The following RANBP17 variants were observed in gnomAD, a reference collection of about 807,000 sequenced individuals.
The protein encoded by RANBP17 is RAN binding protein 17.
RANBP17 carries 158 observed loss-of-function variants against 141.2 expected under a neutral mutation model. That is an observed-to-expected ratio of 1.12 (90% CI 0.98 to 1.28). The LOEUF (loss-of-function observed/expected upper bound fraction) is 1.28. Among genes scored for constraint, RANBP17 ranks in the 50% most tolerant of loss-of-function variants. The pLI is 0.00. For missense variants in RANBP17, 1,438 were observed against 1,290.7 expected (o/e 1.11, Z -1.75); for synonymous variants, 430 against 450.0 (o/e 0.96, Z 0.56).
At chr5:170,956,760 T>A (rs1360441800) in intron 13 of RANBP17, among the ~76,000 whole-genome samples, 1 of 150,548 alleles carries the variant, frequency 6.6e-6, no homozygotes, top group Non-Finnish European at 1.5e-5. Context: ...GATTTTTTTT[T>A]AAGTTTAATC....
At chr5:170,980,108 C>G (rs1404855268) in intron 14 of RANBP17, among the ~76,000 whole-genome samples, 1 of 152,130 alleles carries the variant, frequency 6.6e-6, no homozygotes, top group East Asian at 1.9e-4. Flanking sequence ...AATTTTGACC[C>G]TACCCTAGAG....
At chr5:170,924,608 A>G (rs1772765259) in intron 12 of RANBP17, 58 bp downstream of exon 12, 4 of 1,120,714 alleles carry the variant, frequency 3.6e-6, no homozygotes, top group Admixed American at 1.9e-5. Flanking sequence ...AACATCATTA[A>G]TCACTTTAAT....
At chr5:170,921,647 G>A (rs1435421609) in intron 11 of RANBP17, among the ~76,000 whole-genome samples, 1 of 152,090 alleles carries the variant, frequency 6.6e-6, no homozygotes, top group African/African-American at 2.4e-5. Context: ...AGCTTGATGG[G>A]GATAGCATTG....
At position 171,298,801 on chromosome 5, in the gene RANBP17, A is replaced by G; in HGVS notation, c.3210A>G (p.Ala1070=). 6.2e-7 allele frequency: 1 copy of G among 1,614,190 alleles called. No individual in the cohort carries two copies. Among genetic ancestry groups the G allele is most frequent in the Non-Finnish European group, 8.5e-7 (1 of 1,180,008 alleles). ...TGTCTGTATTCAGAAGAGATGTGGC[A>G]GAGGCGTTGCGCAGTGATGGCAACA... ...QNLSVFRRDV[A]EALRSDGNTE... is the part of the protein sequence containing the mutation. The change falls in exon 28 of 28, where the codon GCA becomes GCG. Residue 1070 remains alanine, a synonymous_variant. Transcript: ENST00000523189.
At chr5:170,938,603 A>G (rs1250531923) in intron 12 of RANBP17, among the ~76,000 whole-genome samples, 7 of 152,212 alleles carry the variant, frequency 4.6e-5, no homozygotes. Context: ...ACATAACAGG[A>G]GTGTGAAAAA....
intron 14 of RANBP17, among the ~76,000 whole-genome samples, chr5:171,001,135 A>G (rs533133704): frequency 3.6e-4 from 55 of 152,224 alleles, no homozygotes; most frequent in African/African-American, 1.2e-3. Context: ...AGAATGGGCA[A>G]TGTTTCTCAG....
intron 12 of RANBP17, among the ~76,000 whole-genome samples, chr5:170,944,548 G>A (rs868357269): frequency 1.3e-5 from 2 of 152,184 alleles, no homozygotes; most frequent in Admixed American, 6.5e-5. Flanking sequence ...TATTACAGGC[G>A]TGAGCCACTG....
chr5:170,940,494 A>C (rs114573518), intron 12 of RANBP17, among the ~76,000 whole-genome samples: 166 of 152,332 alleles, frequency 1.1e-3, no homozygotes, highest in African/African-American at 3.8e-3. Flanking sequence ...GAAAAAATTC[A>C]GAACTGAGAG....
rs1766960544 is a variant in RANBP17 at position 170,863,111 on chromosome 5, AC to A, written c.18+1061del. ...AAACTATGGTTTCTACTCTCAGGGA[AC>A]TTGCAGTCTACTGGTCCTTGAAAGA... is the stretch of plus-strand genomic sequence containing the variant. On this transcript the variant is annotated intron_variant, in intron 1 of 27. Coordinates refer to ENST00000523189, the MANE Select transcript of RANBP17 (RefSeq NM_022897.5). 8.8e-5 allele frequency among the ~76,000 whole-genome samples: 13 copies of A among 147,000 alleles called. No homozygotes were observed. The South Asian group carries it at 2.7e-3, about 30-fold the overall frequency.
intron 14 of RANBP17, among the ~76,000 whole-genome samples, chr5:170,975,009 C>G (rs919349178): frequency 4.6e-5 from 7 of 152,106 alleles, no homozygotes; most frequent in African/African-American, 1.4e-4. Context: ...ATCTGTGATA[C>G]ACTTTCAGGG....
intron 14 of RANBP17, among the ~76,000 whole-genome samples, chr5:170,999,245 A>T (rs114138175): frequency 6.6e-6 from 1 of 152,096 alleles, no homozygotes; most frequent in South Asian, 2.1e-4. Context: ...TAAAATCCTG[A>T]CATTTGTTAC....
At chr5:170,881,488 G>A (rs1768686838) in intron 2 of RANBP17, among the ~76,000 whole-genome samples, 1 of 152,196 alleles carries the variant, frequency 6.6e-6, no homozygotes, top group Non-Finnish European at 1.5e-5. Context: ...TCAGAGGCCA[G>A]ATGATGTAGG....
chr5:170,952,019 T>C (rs1030852310), intron 12 of RANBP17, among the ~76,000 whole-genome samples: 1 of 151,790 alleles, frequency 6.6e-6, no homozygotes, highest in Non-Finnish European at 1.5e-5. Context: ...AAAGAGAAAA[T>C]ATTAAGTAGA....
chr5:171,199,713 A>G lies in RANBP17; in HGVS notation c.2082A>G (p.Thr694=), dbSNP rs1396341432. Reference sequence around the variant, plus strand: ...TTGAGAATTTCATGCTGCCTCTTACAGTTGCTTTTGAAACAGTATTACAAA... The same window carrying G: ...TTGAGAATTTCATGCTGCCTCTTACGGTTGCTTTTGAAACAGTATTACAAA... ...DEFENFMLPL[T]VAFETVLQIF... is the part of the protein sequence containing the mutation. The change falls in exon 19 of 28, where the codon ACA becomes ACG. Residue 694 remains threonine (T), a synonymous_variant. Transcript: ENST00000523189. The G allele has an allele frequency of 1.2e-6, 2 of 1,611,760 alleles. No individual in the cohort carries two copies. Among genetic ancestry groups the G allele is most frequent in the Non-Finnish European group, 1.7e-6 (2 of 1,178,770 alleles).
chr5:171,185,833 T>A (rs1194862958), intron 18 of RANBP17, among the ~76,000 whole-genome samples: 1 of 152,230 alleles, frequency 6.6e-6, no homozygotes, highest in African/African-American at 2.4e-5. Flanking sequence ...CTTAGTGGTA[T>A]CCAGAATGGT....
intron 7 of RANBP17, chr5:170,911,469 C>A: frequency 3.0e-6 from 2 of 671,816 alleles, no homozygotes; most frequent in South Asian, 1.5e-5. Flanking sequence ...TGTTTATGAT[C>A]ATTTTCAGGT....
chr5:170,971,871 A>G (rs969368016), intron 14 of RANBP17, among the ~76,000 whole-genome samples: 10 of 152,062 alleles, frequency 6.6e-5, no homozygotes, highest in African/African-American at 2.4e-4. Flanking sequence ...CCATACTGCC[A>G]CTGGAGTATT....
At chr5:171,002,324 C>T (rs935131121) in intron 14 of RANBP17, among the ~76,000 whole-genome samples, 2 of 151,828 alleles carry the variant, frequency 1.3e-5, no homozygotes, top group South Asian at 2.1e-4. Context: ...GAAAACTGGC[C>T]GTGAGGGACA....
At chr5:171,183,536 C>T (rs1761017509) in intron 18 of RANBP17, 106 bp downstream of exon 18, 6 of 713,916 alleles carry the variant, frequency 8.4e-6, no homozygotes, top group South Asian at 3.8e-5. Flanking sequence ...TTAGAATTAG[C>T]GTCTTCTGAC....
Sources: allele counts gnomAD v4.1 joint callset (sites outside exome capture counted in the v4.1 genomes callset), GRCh38; gene constraint gnomAD v4.1.1; transcripts MANE v1.5; gene names NCBI Gene and HGNC (gene_info 2026-07-23, HGNC 2026-07-21).